Variants in MAP3K1 observed in about 807,000 individuals in gnomAD.
MAP3K1 encodes MAP/ERK kinase kinase 1.
MAP3K1 carries 36 observed loss-of-function variants against 144.2 expected under a neutral mutation model. The observed-to-expected ratio is 0.25, with a 90% CI of 0.19 to 0.33. The LOEUF is 0.33. MAP3K1 is among the 10% of genes least tolerant of loss of function. MAP3K1 has a pLI of 1.00. For synonymous variants in MAP3K1, 718 were observed against 688.7 expected (o/e 1.04, Z -0.67); for missense variants, 1,650 against 1,881.9 (o/e 0.88, Z 2.28).
intron 1 of MAP3K1, among the ~76,000 whole-genome samples, chr5:56,825,375 T>C (rs1016587291): frequency 1.3e-5 from 2 of 152,160 alleles, no homozygotes; most frequent in Non-Finnish European, 2.9e-5. Flanking sequence ...AAAGCTAGTC[T>C]TTAACCAGGA....
At chr5:56,836,264 T>C (rs565720761) in intron 1 of MAP3K1, among the ~76,000 whole-genome samples, 2 of 152,148 alleles carry the variant, frequency 1.3e-5, no homozygotes, top group African/African-American at 4.8e-5. Flanking sequence ...ATTGTCGCTT[T>C]TAAATACCTC....
At position 56,859,827 on chromosome 5, in the gene MAP3K1, G is replaced by T; in HGVS notation, c.746G>T (p.Arg249Leu). 5 of 1,613,896 alleles carry T rather than the reference G, an allele frequency of 3.1e-6. No homozygotes were observed. Among genetic ancestry groups the T allele is most frequent in the Non-Finnish European group, 4.2e-6 (5 of 1,179,902 alleles). Residue 249 changes from arginine to leucine, a missense_variant, in exon 3 of 20, where the codon CGC becomes CTC. Physicochemically the swap from Arg to Leu is moderately radical, Grantham distance 102 (BLOSUM62 -2). Transcript: ENST00000399503. ...GCTTCACCAGCTTCCAAAGGCCGAC[G>T]CAGTCCTTCTCCTGGCAACTCCCCA... is the stretch of plus-strand genomic sequence containing the variant. ...SAASPASKGR[R>L]SPSPGNSPSG...
At chr5:56,861,719 C>G (rs1747521404) in intron 3 of MAP3K1, among the ~76,000 whole-genome samples, 1 of 152,058 alleles carries the variant, frequency 6.6e-6, no homozygotes, top group Admixed American at 6.6e-5. Context: ...AGAATCTTAG[C>G]TGTCTTGTAT....
intron 3 of MAP3K1, among the ~76,000 whole-genome samples, chr5:56,862,739 A>G (rs148043038): frequency 2.6e-5 from 4 of 152,230 alleles, no homozygotes; most frequent in African/African-American, 9.6e-5. Flanking sequence ...TAGCAGGTCA[A>G]AATGACGTGT....
intron 1 of MAP3K1, among the ~76,000 whole-genome samples, chr5:56,852,605 T>C (rs546538088): frequency 1.2e-4 from 19 of 152,372 alleles, no homozygotes; most frequent in Admixed American, 3.3e-4. Flanking sequence ...CACAATTTTA[T>C]TTATTTTTAA....
At chr5:56,864,466 C>T (rs1342198959) in intron 3 of MAP3K1, among the ~76,000 whole-genome samples, 1 of 151,706 alleles carries the variant, frequency 6.6e-6, no homozygotes, top group Non-Finnish European at 1.5e-5. Flanking sequence ...CAACCTCCAT[C>T]CCAGGTTCAA....
intron 7 of MAP3K1, 48 bp downstream of exon 7, chr5:56,872,079 T>G: frequency 6.2e-7 from 1 of 1,610,934 alleles, no homozygotes; most frequent in Non-Finnish European, 8.5e-7. Flanking sequence ...AGTTGCTCTC[T>G]GAGCTAACTA....
intron 1 of MAP3K1, among the ~76,000 whole-genome samples, chr5:56,830,309 A>G (rs897752479): frequency 1.3e-5 from 2 of 152,232 alleles, no homozygotes; most frequent in Non-Finnish European, 2.9e-5. Flanking sequence ...TTATCTGAGT[A>G]GAAGATACTG....
rs920775546 is a variant in MAP3K1, at chr5:56,837,688, T to C, written c.483-18912T>C. Among the ~76,000 whole-genome samples, 3 of 152,342 alleles carry C rather than the reference T, an allele frequency of 2.0e-5. No homozygotes were observed. The South Asian group carries it at 6.2e-4, about 32-fold the overall frequency. On this transcript the variant is annotated intron_variant, in intron 1 of 19. Transcript: ENST00000399503. ...CAAGGGGAAAAGATTAATCCATTAT[T>C]TTATTAAGTACATATTTATTGACTA...
At chr5:56,891,138 ACACACACACACCCCCCCCCCC>A (rs958468801) in intron 19 of MAP3K1, among the ~76,000 whole-genome samples, 1 of 44,846 alleles carries the variant, frequency 2.2e-5, no homozygotes, top group African/African-American at 5.7e-5. Flanking sequence ...ACACACACAG[ACACACACACACCCCCCCCCCC>A]CACACACACA....
At chr5:56,831,976 C>A (rs886097702) in intron 1 of MAP3K1, among the ~76,000 whole-genome samples, 1 of 152,168 alleles carries the variant, frequency 6.6e-6, no homozygotes, top group African/African-American at 2.4e-5. Context: ...AGATATTTAA[C>A]CTGCTGTCTG....
intron 11 of MAP3K1, among the ~76,000 whole-genome samples, chr5:56,880,040 A>G (rs1748159759): frequency 6.6e-6 from 1 of 152,254 alleles, no homozygotes; most frequent in Non-Finnish European, 1.5e-5. Context: ...CTATAGATTG[A>G]AAATATTGGA....
chr5:56,856,825 T>TC (rs953132050), intron 2 of MAP3K1, 75 bp downstream of exon 2: 2 of 1,453,626 alleles, frequency 1.4e-6, no homozygotes, highest in Non-Finnish European at 1.9e-6. Context: ...AAATAGATCC[T>TC]CTTGTAAGCT....
intron 9 of MAP3K1, among the ~76,000 whole-genome samples, chr5:56,873,647 C>T (rs924482840): frequency 9.9e-5 from 15 of 151,992 alleles, no homozygotes; most frequent in Admixed American, 3.9e-4. Context: ...TAAAACCAGA[C>T]GGGTCTCCAG....
intron 1 of MAP3K1, among the ~76,000 whole-genome samples, chr5:56,840,203 A>G (rs530886934): frequency 6.6e-6 from 1 of 152,322 alleles, no homozygotes; most frequent in African/African-American, 2.4e-5. Flanking sequence ...GCCGGAGTAC[A>G]GTGCCCTGAT....
At position 56,872,684 on chromosome 5, in the gene MAP3K1, C is replaced by A. The variant is rs1747890813; in HGVS notation, c.1467C>A (p.Pro489=). Residue 489 remains proline, a synonymous_variant, in exon 8 of 20, where the codon CCC becomes CCA. Transcript: ENST00000399503. ...GAAATAGAGAACCTTTAATATGTCC[C>A]CTTTGTAGATCTAAGTGGAGATCTC... ...CRRNREPLIC[P]LCRSKWRSHD... is the part of the protein sequence containing the mutation. The A allele has an allele frequency of 6.2e-7, 1 of 1,609,080 alleles. No homozygotes were observed. The highest frequency in any genetic ancestry group is 1.3e-5 in the African/African-American group (1 of 74,858).
rs752495319 is a variant in MAP3K1 at position 56,888,333 on chromosome 5, C to T, written c.4365C>T (p.Ser1455=). 2 of 1,613,904 alleles carry T rather than the reference C, an allele frequency of 1.2e-6. No homozygotes were observed. Among genetic ancestry groups the T allele is most frequent in the East Asian group, 2.2e-5 (1 of 44,846 alleles). The change falls in exon 19 of 20, where the codon TCC becomes TCT. Residue 1455 remains serine, a synonymous_variant. Transcript: ENST00000399503. ...CACCATGGAATGCAGAAAAACACTC[C>T]AATCATCTTGCTTTGATATTTAAGG... ...AKPPWNAEKH[S]NHLALIFKIA...
At chr5:56,865,758 C>A in intron 5 of MAP3K1, 71 bp from the exon 6 acceptor site, 1 of 1,456,334 alleles carries the variant, frequency 6.9e-7, no homozygotes, top group South Asian at 1.2e-5. Flanking sequence ...ATAAATAATT[C>A]AGCCTCTAGA....
intron 4 of MAP3K1, 91 bp from the exon 5 acceptor site, chr5:56,865,249 A>AAT: frequency 1.2e-6 from 1 of 812,486 alleles, no homozygotes; most frequent in East Asian, 2.4e-5. Context: ...CTTTAGTATA[A>AAT]AAAGTTGGAA....
Sources: gnomAD v4.1 joint callset for allele counts (sites outside exome capture counted in the v4.1 genomes callset) on GRCh38, gnomAD v4.1.1 for gene constraint, MANE v1.5 for transcripts, NCBI Gene and HGNC (gene_info 2026-07-23, HGNC 2026-07-21) for gene names.